Variants in NPHS1 observed in about 807,000 individuals in gnomAD.
The protein encoded by NPHS1 is NPHS1 adhesion molecule, nephrin.
Under a neutral mutation model 139.7 loss-of-function variants are expected in NPHS1, and 107 were observed. The observed-to-expected ratio is 0.77, with a 90% CI of 0.66 to 0.90. The LOEUF (loss-of-function observed/expected upper bound fraction) is 0.90. NPHS1 is among the 40% of genes least tolerant of loss of function. The pLI is 0.00. For synonymous variants in NPHS1, 707 were observed against 706.6 expected (o/e 1.00, Z -0.01); for missense variants, 1,580 against 1,654.2 (o/e 0.96, Z 0.78).
chr19:35,839,719 A>G, intron 20 of NPHS1, 112 bp from the exon 21 acceptor site: 1 of 832,738 alleles, frequency 1.2e-6, no homozygotes, highest in Non-Finnish European at 2.0e-6. Context: ...CTCATTGTTC[A>G]TAGCATACTC....
Position 35,852,300 on chromosome 19 carries a change from C to CTCTG in NPHS1, c.-467_-464dup, listed in dbSNP as rs973299733. ...CTTTTGTCTCTGTCTCTTCCTCTCTCTCTGTCTCTCTCTCTCTCTCTCTCT... is the reference window on the plus strand; with the variant it reads ...CTTTTGTCTCTGTCTCTTCCTCTCTCTCTGTCTGTCTCTCTCTCTCTCTCTCTCT... On this transcript the variant is annotated 5_prime_UTR_variant, in exon 1 of 29. Coordinates refer to ENST00000378910, the MANE Select transcript of NPHS1 (RefSeq NM_004646.4). 1.3e-5 allele frequency among the ~76,000 whole-genome samples: 2 copies of CTCTG among 149,130 alleles called. No homozygotes were observed. Among genetic ancestry groups the CTCTG allele is most frequent in the African/African-American group, 5.1e-5 (2 of 39,016 alleles).
intron 22 of NPHS1, among the ~76,000 whole-genome samples, chr19:35,838,614 C>T (rs766170610): frequency 3.3e-5 from 5 of 150,640 alleles, no homozygotes; most frequent in Non-Finnish European, 7.4e-5. Context: ...CTTTGGGAGG[C>T]CAAGGTGAGT....
At position 35,851,350 on chromosome 19, in the gene NPHS1, G is replaced by C; in HGVS notation, c.309C>G (p.Leu103=). Residue 103 remains leucine (L), a synonymous_variant, in exon 3 of 29, where the codon CTC becomes CTG. Coordinates refer to ENST00000378910, the MANE Select transcript of NPHS1 (RefSeq NM_004646.4). ...GGCACTCATACTCCGCGTCATCGCT[G>C]AGGTCACAGGCCTCGATGTGCAGGT... The part of the protein sequence containing the change: ...EFHLHIEACD[L]SDDAEYECQV... 1 of 1,613,606 alleles carries C rather than the reference G, an allele frequency of 6.2e-7. No homozygotes were observed. The highest frequency in any genetic ancestry group is 8.5e-7 in the Non-Finnish European group (1 of 1,179,818).
rs1231513339 is a variant in NPHS1, at chr19:35,839,369, G to T, written c.2977C>A (p.Pro993Thr). ...PGFHYVDVVP[P>T]QATTFTLTGL... is the part of the protein sequence containing the mutation. Reference sequence around the variant, plus strand: ...GTCAGCGTGAAGGTGGTGGCCTGGGGTGGTACGACATCCACATAGTGGAAC... The same window carrying T: ...GTCAGCGTGAAGGTGGTGGCCTGGGTTGGTACGACATCCACATAGTGGAAC... The change falls in exon 22 of 29, where the codon CCC becomes ACC. Residue 993 changes from proline (P) to threonine (T), a missense_variant. Pro to Thr is a conservative substitution (Grantham distance 38). Coordinates refer to ENST00000378910, the MANE Select transcript of NPHS1 (RefSeq NM_004646.4). 3 of 1,614,064 alleles carry T rather than the reference G, an allele frequency of 1.9e-6. No individual in the cohort carries two copies. The highest frequency in any genetic ancestry group is 1.7e-5 in the Admixed American group (1 of 60,002).
In NPHS1 at chr19:35,841,705, C is replaced by A. The variant is rs1339898496; in HGVS notation, c.2815+10G>T. On this transcript the variant is annotated intron_variant, in intron 20 of 28. Transcript: ENST00000378910. ...ACCCCCTCCCCAACACCCTCACAGC[C>A]CCTCCATACTGATGCTGACAAGTTG... 6.2e-7 allele frequency: 1 copy of A among 1,614,108 alleles called. No individual in the cohort carries two copies. The highest frequency in any genetic ancestry group is 2.2e-5 in the East Asian group (1 of 44,874).
At chr19:35,840,472 C>G (rs1249658547) in intron 20 of NPHS1, among the ~76,000 whole-genome samples, 1 of 130,074 alleles carries the variant, frequency 7.7e-6, no homozygotes, top group South Asian at 2.5e-4. Flanking sequence ...GTAGCTGGGA[C>G]TACAGGTGCC....
intron 28 of NPHS1, 81 bp from the exon 29 acceptor site, chr19:35,826,726 T>C: frequency 6.7e-7 from 1 of 1,482,590 alleles, no homozygotes. Context: ...TACATGCCCC[T>C]GCTTAACTTC....
Position 35,842,313 on chromosome 19 carries a change from G to T in NPHS1, c.2507-33C>A, listed in dbSNP as rs201590005. The T allele has an allele frequency of 6.2e-6, 10 of 1,612,176 alleles. No homozygotes were observed. In the Admixed American group the frequency reaches 1.7e-4, roughly 27 times the overall value. On this transcript the variant is annotated intron_variant, in intron 18 of 28. Coordinates refer to ENST00000378910, the MANE Select transcript of NPHS1 (RefSeq NM_004646.4). ...GGGATGGGCAGTCAACATGAGCTAT[G>T]TGGGAGACATGAGGGCTGTGGGTTC...
rs765373994 is a variant in NPHS1 at position 35,846,151 on chromosome 19, C to A, written c.1484G>T (p.Arg495Leu). 1 of 1,597,370 alleles carries A rather than the reference C, an allele frequency of 6.3e-7. No homozygotes were observed. ...CTCCACGCTGCCGAGATGCACGCGCCGCGACTCCTGCGGCAGCCGCGACTC... is the reference window on the plus strand; with the variant it reads ...CTCCACGCTGCCGAGATGCACGCGCAGCGACTCCTGCGGCAGCCGCGACTC... ...VTESRLPQES[R>L]RVHLGSVEKS... Residue 495 changes from arginine (R) to leucine (L), a missense_variant, in exon 12 of 29, where the codon CGG becomes CTG. Arg to Leu is a moderately radical substitution (Grantham distance 102). Transcript: ENST00000378910.
At chr19:35,839,169 T>C (rs1457159827) in intron 22 of NPHS1, 68 bp downstream of exon 22, 16 of 1,449,674 alleles carry the variant, frequency 1.1e-5, no homozygotes, top group Non-Finnish European at 1.5e-5. Context: ...GGAATAGTAT[T>C]GACTTCACCA....
At chr19:35,834,632 C>T (rs771715320) in intron 23 of NPHS1, among the ~76,000 whole-genome samples, 7 of 152,144 alleles carry the variant, frequency 4.6e-5, no homozygotes, top group Non-Finnish European at 7.3e-5. Flanking sequence ...TGGCTCACGC[C>T]TGTAATCCCA....
At chr19:35,848,933 TGAGGCACAGACC>T in intron 8 of NPHS1, 31 bp downstream of exon 8, 1 of 1,611,312 alleles carries the variant, frequency 6.2e-7, no homozygotes, top group Non-Finnish European at 8.5e-7. Context: ...GATGGTTCTC[TGAGGCACAGACC>T]GACAGGGGGG....
At chr19:35,848,851 C>T (rs1163723404) in intron 8 of NPHS1, 57 bp from the exon 9 acceptor site, 46 of 1,613,052 alleles carry the variant, frequency 2.9e-5, no homozygotes, top group Non-Finnish European at 3.7e-5. Context: ...CAGACCAGCC[C>T]AGACAGAACA....
At chr19:35,835,590 T>C in intron 23 of NPHS1, 115 bp downstream of exon 23, 2 of 966,188 alleles carry the variant, frequency 2.1e-6, no homozygotes, top group Non-Finnish European at 1.7e-6. Flanking sequence ...GCGACTGAGC[T>C]TGGCCAGAAC....
Position 35,851,624 on chromosome 19 carries a change from G to A in NPHS1, c.107C>T (p.Ala36Val). 1 of 1,613,958 alleles carries A rather than the reference G, an allele frequency of 6.2e-7. No individual in the cohort carries two copies. The highest frequency in any genetic ancestry group is 1.1e-5 in the South Asian group (1 of 91,044). The change falls in exon 2 of 29, where the codon GCC becomes GTC. Residue 36 changes from alanine to valine, a missense_variant. Coordinates refer to ENST00000378910, the MANE Select transcript of NPHS1 (RefSeq NM_004646.4). ...CACCACCGTCAGGTTTTCAGGCAGG[G>A]CCCAGAAGCCCCGGGGAACGGAGGC... ...IPASVPRGFW[A>V]LPENLTVVEG...
chr19:35,842,385 C>A lies in NPHS1; in HGVS notation c.2500G>T (p.Val834Phe), dbSNP rs386833917. Residue 834 changes from valine (V) to phenylalanine (F), a missense_variant, in exon 18 of 29, where the codon GTC becomes TTC. Coordinates refer to ENST00000378910, the MANE Select transcript of NPHS1 (RefSeq NM_004646.4). The stretch of plus-strand genomic sequence containing the variant: ...GTGTTTGGGTAATACCCACATCTGA[C>A]AACAAGACGGAGCAGCCGTCGTGCT... The part of the protein sequence containing the change: ...PPARRLLRLV[V>F]RFAPQVEHPT... The A allele has an allele frequency of 1.2e-6, 2 of 1,613,816 alleles. No individual in the cohort carries two copies. Among genetic ancestry groups the A allele is most frequent in the Non-Finnish European group, 1.7e-6 (2 of 1,180,014 alleles).
Position 35,848,335 on chromosome 19 carries a change from G to C in NPHS1, c.1233C>G (p.Asn411Lys), listed in dbSNP as rs374218631. 6.2e-7 allele frequency: 1 copy of C among 1,614,110 alleles called. No individual in the cohort carries two copies. Among genetic ancestry groups the C allele is most frequent in the Admixed American group, 1.7e-5 (1 of 60,008 alleles). Reference sequence around the variant, plus strand: ...AGGCCTCACATGTGAGGGTCAGACCGTTGTCCTCCCGCCGCGCCAGGAATG... The same window carrying C: ...AGGCCTCACATGTGAGGGTCAGACCCTTGTCCTCCCGCCGCGCCAGGAATG... ...NLTFLARRED[N>K]GLTLTCEAFS... Residue 411 changes from asparagine (N) to lysine (K), a missense_variant, in exon 10 of 29, where the codon AAC becomes AAG. Transcript: ENST00000378910.
intron 16 of NPHS1, 199 bp downstream of exon 16, chr19:35,843,904 G>A (rs746644941): frequency 1.3e-6 from 1 of 780,650 alleles, no homozygotes; most frequent in Non-Finnish European, 2.0e-6. Context: ...ACCCTCTCTG[G>A]GCAGAGATTC....
At position 35,830,940 on chromosome 19, in the gene NPHS1, A is replaced by G. The variant is rs1334846654; in HGVS notation, c.3498T>C (p.Asp1166=). 6.2e-7 allele frequency: 1 copy of G among 1,613,388 alleles called. No homozygotes were observed. The stretch of plus-strand genomic sequence containing the variant: ...AGTGCCCAGGGAAGGCCATATCCTC[A>G]TCTTCACCTGTGAAACCTGGAGTTG... ...VSYSRGFTGE[D]EDMAFPGHLY... Residue 1166 remains aspartate (D), a synonymous_variant, in exon 28 of 29, where the codon GAT becomes GAC. Coordinates refer to ENST00000378910, the MANE Select transcript of NPHS1 (RefSeq NM_004646.4).
Sources: allele counts gnomAD v4.1 joint callset (sites outside exome capture counted in the v4.1 genomes callset), GRCh38; gene constraint gnomAD v4.1.1; transcripts MANE v1.5; gene names NCBI Gene and HGNC (gene_info 2026-07-23, HGNC 2026-07-21).